LHFPL3: variants seen among roughly 807,000 people sequenced by gnomAD.
LHFPL3 encodes LHFPL tetraspan subfamily member 3 protein.
A neutral mutation model predicts 19.3 loss-of-function variants in LHFPL3; 5 were observed. That is an observed-to-expected ratio of 0.26 (90% CI 0.14 to 0.54). The LOEUF is 0.54. Among genes scored for constraint, LHFPL3 ranks in the 20% least tolerant of loss-of-function variants. The pLI is 0.94. For synonymous variants in LHFPL3, 133 were observed against 126.2 expected (o/e 1.05, Z -0.36); for missense variants, 249 against 307.4 (o/e 0.81, Z 1.42).
intron 1 of LHFPL3, among the ~76,000 whole-genome samples, chr7:104,670,865 TG>T (rs368375425): frequency 3.4e-5 from 5 of 148,742 alleles, no homozygotes; most frequent in Non-Finnish European, 4.5e-5. Flanking sequence ...TGTTTTGTTT[TG>T]TTTTTTTTTT....
intron 1 of LHFPL3, among the ~76,000 whole-genome samples, chr7:104,482,338 T>C (rs1339860817): frequency 6.6e-6 from 1 of 152,204 alleles, no homozygotes; most frequent in African/African-American, 2.4e-5. Flanking sequence ...GAACCACATC[T>C]AAGACATCCT....
At chr7:104,787,585 T>C (rs2116438579) in intron 2 of LHFPL3, among the ~76,000 whole-genome samples, 1 of 152,286 alleles carries the variant, frequency 6.6e-6, no homozygotes, top group African/African-American at 2.4e-5. Context: ...AGGTCTTGCT[T>C]TGTAACCCAA....
At chr7:104,388,072 A>G (rs1790985149) in intron 1 of LHFPL3, among the ~76,000 whole-genome samples, 1 of 152,182 alleles carries the variant, frequency 6.6e-6, no homozygotes, top group African/African-American at 2.4e-5. Flanking sequence ...TTTTCTTAGC[A>G]TAATGGCTTC....
intron 2 of LHFPL3, among the ~76,000 whole-genome samples, chr7:104,756,530 C>A (rs959463010): frequency 1.3e-5 from 2 of 152,134 alleles, no homozygotes; most frequent in African/African-American, 4.8e-5. Flanking sequence ...TAGACAGTCT[C>A]ACTCTGTCAC....
intron 1 of LHFPL3, among the ~76,000 whole-genome samples, chr7:104,664,575 G>A (rs886598157): frequency 2.0e-5 from 3 of 152,206 alleles, no homozygotes; most frequent in Admixed American, 1.3e-4. Flanking sequence ...AATATTTTAG[G>A]CTTTGCATGT....
intron 1 of LHFPL3, among the ~76,000 whole-genome samples, chr7:104,541,510 G>T (rs1386574435): frequency 6.6e-6 from 1 of 152,142 alleles, no homozygotes; most frequent in African/African-American, 2.4e-5. Flanking sequence ...GGTACAAGGT[G>T]ATGAGGCTCT....
chr7:104,561,515 T>C (rs1383848356), intron 1 of LHFPL3, among the ~76,000 whole-genome samples: 1 of 151,160 alleles, frequency 6.6e-6, no homozygotes, highest in Non-Finnish European at 1.5e-5. Context: ...CCCTGCCTTT[T>C]TTTGTTTTCC....
intron 2 of LHFPL3, among the ~76,000 whole-genome samples, chr7:104,825,669 C>G (rs1423022819): frequency 2.0e-5 from 3 of 152,024 alleles, no homozygotes; most frequent in African/African-American, 7.3e-5. Flanking sequence ...CAGTTCAGCA[C>G]TAGAAAGGGG....
chr7:104,601,532 G>C (rs149753481), intron 1 of LHFPL3, among the ~76,000 whole-genome samples: 14 of 152,248 alleles, frequency 9.2e-5, no homozygotes, highest in African/African-American at 3.4e-4. Flanking sequence ...CAGATATAGG[G>C]GAGAGGGGTT....
chr7:104,529,477 A>C (rs867478256), intron 1 of LHFPL3, among the ~76,000 whole-genome samples: 18 of 152,228 alleles, frequency 1.2e-4, no homozygotes, highest in African/African-American at 3.9e-4. Flanking sequence ...AGAAAAACTC[A>C]ATCTCATCAT....
At chr7:104,386,861 A>G (rs1243105365) in intron 1 of LHFPL3, among the ~76,000 whole-genome samples, 1 of 152,202 alleles carries the variant, frequency 6.6e-6, no homozygotes, top group Non-Finnish European at 1.5e-5. Context: ...AGCACCAACT[A>G]AAAACCCTGG....
intron 1 of LHFPL3, among the ~76,000 whole-genome samples, chr7:104,567,185 A>G (rs1424525028): frequency 6.6e-6 from 1 of 152,232 alleles, no homozygotes; most frequent in Non-Finnish European, 1.5e-5. Context: ...GTGATTGAGA[A>G]ATCACTCATA....
At chr7:104,360,759 C>T (rs1790377623) in intron 1 of LHFPL3, among the ~76,000 whole-genome samples, 1 of 147,150 alleles carries the variant, frequency 6.8e-6, no homozygotes, top group Non-Finnish European at 1.5e-5. Context: ...TTACATACTT[C>T]TTGCCCAGGA....
chr7:104,831,046 A>G (rs574899167), intron 2 of LHFPL3, among the ~76,000 whole-genome samples: 1 of 152,076 alleles, frequency 6.6e-6, no homozygotes, highest in Non-Finnish European at 1.5e-5. Context: ...TTGGAAAAGG[A>G]CTAGAAAGAA....
At chr7:104,812,803 CAAAAAAAAAAAAAAAAAAA>C in intron 2 of LHFPL3, among the ~76,000 whole-genome samples, 2 of 31,338 alleles carry the variant, frequency 6.4e-5, no homozygotes, top group South Asian at 2.5e-3. Context: ...GACTCCATCT[CAAAAAAAAAAAAAAAAAAA>C]AAAAAAAAAG....
intron 1 of LHFPL3, among the ~76,000 whole-genome samples, chr7:104,733,389 T>A (rs1390025989): frequency 2.0e-5 from 3 of 152,234 alleles, no homozygotes; most frequent in Non-Finnish European, 4.4e-5. Context: ...GGACTTACTT[T>A]ATGAATCTGG....
At chr7:104,459,806 C>T (rs528158284) in intron 1 of LHFPL3, among the ~76,000 whole-genome samples, 45 of 152,232 alleles carry the variant, frequency 3.0e-4, no homozygotes, top group African/African-American at 1.1e-3. Context: ...CAGTATTAAC[C>T]TGTTAACCTT....
intron 1 of LHFPL3, among the ~76,000 whole-genome samples, chr7:104,420,379 C>T (rs1791703596): frequency 6.6e-6 from 1 of 152,026 alleles, no homozygotes; most frequent in African/African-American, 2.4e-5. Context: ...AACAGAGAGG[C>T]AGAACAGGGA....
At chr7:104,470,108 G>A in intron 1 of LHFPL3, 2 of 455,268 alleles carry the variant, frequency 4.4e-6, no homozygotes, top group South Asian at 1.6e-5. Flanking sequence ...AACCAGCTGA[G>A]AGACAGTGAG....
Sources: allele counts gnomAD v4.1 joint callset (sites outside exome capture counted in the v4.1 genomes callset), GRCh38; gene constraint gnomAD v4.1.1; transcripts MANE v1.5; gene names NCBI Gene and HGNC (gene_info 2026-07-23, HGNC 2026-07-21).